PLPPR1: variants seen among roughly 807,000 people sequenced by gnomAD.
PLPPR1 encodes the protein phospholipid phosphatase related 1, also known as phospholipid phosphatase-related protein type 1.
In PLPPR1, 10 loss-of-function variants were observed where a neutral mutation model predicts 33.1. The observed-to-expected ratio is 0.30, with a 90% confidence interval of 0.19 to 0.51. The LOEUF (loss-of-function observed/expected upper bound fraction) is 0.51, where lower values mean the gene tolerates loss of function less well. PLPPR1 is among the 20% of genes least tolerant of loss of function. The pLI, the probability that PLPPR1 is intolerant of heterozygous loss-of-function variation, is 0.97. For synonymous variants in PLPPR1, 151 were observed against 151.0 expected (o/e 1.00, Z 0.00); for missense variants, 304 against 408.1 (o/e 0.74, Z 2.20).
At chr9:101,222,771 C>T (rs1283188065) in intron 2 of PLPPR1, among the ~76,000 whole-genome samples, 5 of 152,218 alleles carry the variant, frequency 3.3e-5, no homozygotes, top group South Asian at 2.1e-4. Flanking sequence ...ACAATAGTGT[C>T]GGTCACGACA....
rs1399535577 is a variant in PLPPR1, at chr9:101,180,121, TATATATATATATATATATATATACAC to T, written c.-45-5327_-45-5302del. ...ATATATATATATATATATATATATA[TATATATATATATATATATATATACAC>T]ACACACACACACACATACACACACA... is the stretch of plus-strand genomic sequence containing the variant. On this transcript the variant is annotated intron_variant, in intron 1 of 7. Coordinates refer to ENST00000374874, the MANE Select transcript of PLPPR1 (RefSeq NM_207299.2). 1.2e-3 allele frequency among the ~76,000 whole-genome samples: 63 copies of T among 54,318 alleles called. 1 individual carries two copies. The highest frequency in any genetic ancestry group is 3.2e-3 in the African/African-American group (49 of 15,372). The allele number at this position is 54,318 out of a possible 152,430, so 35.6% of individuals were successfully genotyped here.
intron 2 of PLPPR1, among the ~76,000 whole-genome samples, chr9:101,190,229 C>A (rs960107765): frequency 2.0e-5 from 3 of 152,128 alleles, no homozygotes; most frequent in Admixed American, 6.6e-5. Context: ...AGAGGGATAA[C>A]CATTGTTTGT....
At chr9:101,190,562 G>C (rs1262142337) in intron 2 of PLPPR1, among the ~76,000 whole-genome samples, 1 of 152,068 alleles carries the variant, frequency 6.6e-6, no homozygotes, top group Non-Finnish European at 1.5e-5. Flanking sequence ...ACTTGGGGAT[G>C]TTTTGTTTAT....
chr9:101,202,671 G>A (rs1262427307), intron 2 of PLPPR1, among the ~76,000 whole-genome samples: 2 of 152,240 alleles, frequency 1.3e-5, no homozygotes, highest in African/African-American at 2.4e-5. Context: ...GTGCATTAAA[G>A]AGCACCTCTC....
At chr9:101,317,567 A>C in intron 7 of PLPPR1, 71 bp downstream of exon 7, 1 of 1,400,266 alleles carries the variant, frequency 7.1e-7, no homozygotes, top group South Asian at 1.3e-5. Flanking sequence ...TCAATCCATG[A>C]ATACCACTTA....
At chr9:101,070,548 G>C (rs1201199966) in intron 1 of PLPPR1, among the ~76,000 whole-genome samples, 1 of 152,046 alleles carries the variant, frequency 6.6e-6, no homozygotes, top group Non-Finnish European at 1.5e-5. Flanking sequence ...GACGAGAAAT[G>C]CTTCTTTCTA....
chr9:101,082,004 T>C (rs1354500372), intron 1 of PLPPR1, among the ~76,000 whole-genome samples: 1 of 152,212 alleles, frequency 6.6e-6, no homozygotes, highest in African/African-American at 2.4e-5. Context: ...GGTTGATGCA[T>C]CTTTAGATAT....
intron 1 of PLPPR1, among the ~76,000 whole-genome samples, chr9:101,156,552 C>CAAAAAAAAAAAAAAAA (rs1162056636): frequency 1.4e-5 from 1 of 71,318 alleles, no homozygotes; most frequent in African/African-American, 6.4e-5. Context: ...ACCCTGTCTC[C>CAAAAAAAAAAAAAAAA]AAAAAAAAAA....
chr9:101,051,896 A>C (rs1474758563), intron 1 of PLPPR1, among the ~76,000 whole-genome samples: 2 of 152,230 alleles, frequency 1.3e-5, no homozygotes, highest in African/African-American at 4.8e-5. Context: ...TTCATTTAAA[A>C]AAATAAAATG....
At chr9:101,189,332 A>G (rs1214417570) in intron 2 of PLPPR1, among the ~76,000 whole-genome samples, 1 of 152,144 alleles carries the variant, frequency 6.6e-6, no homozygotes, top group Non-Finnish European at 1.5e-5. Context: ...CCGGTTTGAT[A>G]AGAGGTTATG....
At chr9:101,192,829 TGA>T (rs989484107) in intron 2 of PLPPR1, among the ~76,000 whole-genome samples, 3 of 152,198 alleles carry the variant, frequency 2.0e-5, no homozygotes, top group Non-Finnish European at 4.4e-5. Context: ...TAAAAATTTT[TGA>T]GAGTATTTTA....
At chr9:101,237,103 T>A (rs892842511) in intron 2 of PLPPR1, among the ~76,000 whole-genome samples, 8 of 151,666 alleles carry the variant, frequency 5.3e-5, no homozygotes, top group Non-Finnish European at 1.5e-5. Flanking sequence ...GAAATGCAAA[T>A]TAAAACCACA....
chr9:101,124,722 G>C (rs1831223116), intron 1 of PLPPR1, among the ~76,000 whole-genome samples: 1 of 152,154 alleles, frequency 6.6e-6, no homozygotes, highest in Non-Finnish European at 1.5e-5. Context: ...TAGATCTTCA[G>C]ATGTTTCGTG....
rs192588263 is a variant in PLPPR1, at chr9:101,248,424, G to T, written c.64-21456G>T. Among the ~76,000 whole-genome samples, 10 of 152,186 alleles carry T rather than the reference G, an allele frequency of 6.6e-5. No homozygotes were observed. The East Asian group carries it at 1.7e-3, about 27-fold the overall frequency. On this transcript the variant is annotated intron_variant, in intron 2 of 7. Transcript: ENST00000374874. ...ACCGACAAGGCATGCTCAGGCATAA[G>T]AATCCTAGTATAATAGCAAAGTAGT... is the stretch of plus-strand genomic sequence containing the variant.
chr9:101,309,554 C>T (rs992659946), intron 5 of PLPPR1, 93 bp downstream of exon 5: 105 of 1,382,098 alleles, frequency 7.6e-5, no homozygotes, highest in Middle Eastern at 2.4e-4. Context: ...TCACTTATAG[C>T]GACTCTTAAA....
chr9:101,258,818 T>A (rs1035522221), intron 2 of PLPPR1, among the ~76,000 whole-genome samples: 7 of 152,188 alleles, frequency 4.6e-5, no homozygotes, highest in Non-Finnish European at 1.0e-4. Context: ...AATTATTGAC[T>A]ATCAGAAACT....
At chr9:101,275,793 T>C (rs1052202486) in intron 3 of PLPPR1, among the ~76,000 whole-genome samples, 4 of 152,186 alleles carry the variant, frequency 2.6e-5, no homozygotes, top group African/African-American at 9.7e-5. Flanking sequence ...GTATTTAGTA[T>C]TGAAGTAGCA....
Position 101,135,048 on chromosome 9 carries a change from T to G in PLPPR1, c.-45-50402T>G, listed in dbSNP as rs571924005. Among the ~76,000 whole-genome samples the G allele has an allele frequency of 1.2e-4, 18 of 152,250 alleles. No homozygotes were observed. In the South Asian group the frequency reaches 3.5e-3, roughly 30 times the overall value. ...CATTATTAATTGGAGTCAGAGCTGGTGTTAGGTCCACCTTATTAGTCCTGA... is the reference window on the plus strand; with the variant it reads ...CATTATTAATTGGAGTCAGAGCTGGGGTTAGGTCCACCTTATTAGTCCTGA... On this transcript the variant is annotated intron_variant, in intron 1 of 7. Transcript: ENST00000374874.
chr9:101,152,368 A>G (rs985751883), intron 1 of PLPPR1, among the ~76,000 whole-genome samples: 1 of 152,172 alleles, frequency 6.6e-6, no homozygotes, highest in African/African-American at 2.4e-5. Flanking sequence ...CTCTGATGAT[A>G]GTTTATTTTG....
Sources: allele counts gnomAD v4.1 joint callset (sites outside exome capture counted in the v4.1 genomes callset), GRCh38; gene constraint gnomAD v4.1.1; transcripts MANE v1.5; gene names NCBI Gene and HGNC (gene_info 2026-07-23, HGNC 2026-07-21).